The following RFX4 variants were observed in gnomAD, a reference collection of about 807,000 sequenced individuals.
RFX4 encodes the protein regulatory factor X4.
A neutral mutation model predicts 95.0 loss-of-function variants in RFX4; 10 were observed. The observed-to-expected ratio is 0.11, with a 90% CI of 0.06 to 0.18. RFX4 has a LOEUF of 0.18. Ranked by LOEUF, RFX4 falls within the 10% of genes least tolerant of loss-of-function variation. The pLI is 1.00. For synonymous variants in RFX4, 321 were observed against 340.7 expected (o/e 0.94, Z 0.64); for missense variants, 640 against 922.0 (o/e 0.69, Z 3.96).
chr12:106,715,517 G>T lies in RFX4; in HGVS notation c.1111G>T (p.Asp371Tyr), dbSNP rs957170806. 10 of 1,614,150 alleles carry T rather than the reference G, an allele frequency of 6.2e-6. No individual in the cohort carries two copies. Among genetic ancestry groups the T allele is most frequent in the Non-Finnish European group, 8.5e-6 (10 of 1,180,014 alleles). ...QTLYTMEDSR[D>Y]EHRKLITQLY... ...CCTTTACACCATGGAAGACTCTCGC[G>T]ATGAGCACCGGAAACTCATCACCCA... Residue 371 changes from aspartate (D) to tyrosine (Y), a missense_variant, in exon 11 of 18, where the codon GAT becomes TAT. Asp to Tyr is a radical substitution (Grantham distance 160, BLOSUM62 -3). Coordinates refer to ENST00000392842, the MANE Select transcript of RFX4 (RefSeq NM_213594.3).
chr12:106,640,118 C>A (rs2040590370), intron 3 of RFX4, among the ~76,000 whole-genome samples: 1 of 152,194 alleles, frequency 6.6e-6, no homozygotes, highest in Admixed American at 6.5e-5. Context: ...CCCCTCCAGG[C>A]TAGGCACTTT....
intron 2 of RFX4, among the ~76,000 whole-genome samples, chr12:106,621,688 T>C (rs1189535144): frequency 3.3e-5 from 5 of 152,218 alleles, no homozygotes; most frequent in Non-Finnish European, 5.9e-5. Context: ...TCTCTTCTCT[T>C]TGGAATTTTG....
rs190970489 is a variant in RFX4, at chr12:106,643,201, G to T, written c.191+3809G>T. On this transcript the variant is annotated intron_variant, in intron 3 of 17. Transcript: ENST00000392842. ...TTTGCTGAGGATCACTCCTTGGAAT[G>T]ATTCAGCCTCCCAGTAGGGGGAACA... is the stretch of plus-strand genomic sequence containing the variant. Among the ~76,000 whole-genome samples the T allele has an allele frequency of 4.5e-3, 678 of 152,326 alleles. 2 individuals are homozygous for T. Among genetic ancestry groups the T allele is most frequent in the African/African-American group, 0.016 (655 of 41,570 alleles).
chr12:106,639,456 T>C (rs934727198), intron 3 of RFX4, 64 bp downstream of exon 3: 22 of 1,407,726 alleles, frequency 1.6e-5, no homozygotes, highest in Admixed American at 3.5e-5. Flanking sequence ...GTCTATAGGA[T>C]AGGATATCAC....
intron 13 of RFX4, 152 bp downstream of exon 13, chr12:106,721,028 C>A: frequency 1.5e-6 from 1 of 685,490 alleles, no homozygotes; most frequent in Non-Finnish European, 2.5e-6. Context: ...TTAGGACTTT[C>A]AGGGAGAGAG....
At chr12:106,713,663 G>A (rs1446186684) in intron 10 of RFX4, among the ~76,000 whole-genome samples, 2 of 152,148 alleles carry the variant, frequency 1.3e-5, no homozygotes, top group Non-Finnish European at 2.9e-5. Context: ...TGAGTTCCCT[G>A]CACTATGCAC....
chr12:106,633,585 AT>A (rs373665226), intron 2 of RFX4, among the ~76,000 whole-genome samples: 1 of 152,148 alleles, frequency 6.6e-6, no homozygotes, highest in Middle Eastern at 3.2e-3. Flanking sequence ...TATGATTCAC[AT>A]TTTTTTAGAT....
chr12:106,687,876 T>C (rs2041693533), intron 6 of RFX4, among the ~76,000 whole-genome samples: 1 of 152,172 alleles, frequency 6.6e-6, no homozygotes, highest in Admixed American at 6.6e-5. Context: ...ACCTCTCCCC[T>C]CTGAATTGCT....
intron 17 of RFX4, among the ~76,000 whole-genome samples, chr12:106,759,772 CT>C (rs2043177417): frequency 6.6e-6 from 1 of 152,196 alleles, no homozygotes; most frequent in South Asian, 2.1e-4. Flanking sequence ...CCTTCTCCCT[CT>C]TTCCTAACTG....
chr12:106,726,414 G>A (rs1245357452), intron 13 of RFX4, among the ~76,000 whole-genome samples: 4 of 151,806 alleles, frequency 2.6e-5, no homozygotes, highest in Admixed American at 6.6e-5. Context: ...ACCTGCCCCC[G>A]CAAAATAAGG....
At chr12:106,723,826 C>T (rs991562556) in intron 13 of RFX4, among the ~76,000 whole-genome samples, 4 of 152,184 alleles carry the variant, frequency 2.6e-5, no homozygotes, top group Non-Finnish European at 5.9e-5. Context: ...GAATTGCTTT[C>T]CCTGTAGTCA....
intron 7 of RFX4, among the ~76,000 whole-genome samples, chr12:106,694,020 C>T (rs991893081): frequency 2.0e-5 from 3 of 152,196 alleles, no homozygotes; most frequent in Non-Finnish European, 4.4e-5. Flanking sequence ...TATGATACTC[C>T]TCAGTAGTGG....
intron 15 of RFX4, among the ~76,000 whole-genome samples, chr12:106,744,337 A>C (rs777620945): frequency 6.6e-6 from 1 of 152,244 alleles, no homozygotes; most frequent in Non-Finnish European, 1.5e-5. Flanking sequence ...TAGTAATTTT[A>C]TAGAAAAACA....
chr12:106,753,083 A>G (rs533348726), intron 17 of RFX4, among the ~76,000 whole-genome samples: 38 of 152,088 alleles, frequency 2.5e-4, no homozygotes, highest in African/African-American at 8.7e-4. Flanking sequence ...TCGGAAAAAA[A>G]CCCAACTGAC....
At chr12:106,743,798 C>T (rs2042847943) in intron 15 of RFX4, among the ~76,000 whole-genome samples, 1 of 152,100 alleles carries the variant, frequency 6.6e-6, no homozygotes, top group African/African-American at 2.4e-5. Flanking sequence ...TCCTTGGCTG[C>T]CCCGTTTCAA....
intron 16 of RFX4, among the ~76,000 whole-genome samples, chr12:106,749,038 T>C (rs2042947581): frequency 6.6e-6 from 1 of 150,896 alleles, no homozygotes; most frequent in Admixed American, 6.6e-5. Flanking sequence ...TGAGCTGAGA[T>C]TGTGCCACTG....
At chr12:106,594,802 T>TAAA (rs35505166) in intron 1 of RFX4, among the ~76,000 whole-genome samples, 2 of 141,908 alleles carry the variant, frequency 1.4e-5, no homozygotes, top group Non-Finnish European at 1.5e-5. Context: ...TGAGAGGGAT[T>TAAA]AAAAAAAAAA....
intron 3 of RFX4, among the ~76,000 whole-genome samples, chr12:106,650,769 GTGTTTTGTTGT>G: frequency 6.6e-6 from 1 of 152,170 alleles, no homozygotes; most frequent in Non-Finnish European, 1.5e-5. Flanking sequence ...TATGAGACAG[GTGTTTTGTTGT>G]TGTTTTGTTG....
At chr12:106,731,978 A>T in intron 13 of RFX4, 152 bp from the exon 14 acceptor site, 1 of 1,105,518 alleles carries the variant, frequency 9.0e-7, no homozygotes, top group Non-Finnish European at 1.3e-6. Flanking sequence ...AAGAACTGCA[A>T]CCTATGACCA....
Sources: allele counts gnomAD v4.1 joint callset (sites outside exome capture counted in the v4.1 genomes callset), GRCh38; gene constraint gnomAD v4.1.1; transcripts MANE v1.5; gene names NCBI Gene and HGNC (gene_info 2026-07-23, HGNC 2026-07-21).